STAC: variants seen among roughly 807,000 people sequenced by gnomAD.
STAC encodes SH3 and cysteine rich domain.
A neutral mutation model predicts 48.8 loss-of-function variants in STAC; 43 were observed. That is an observed-to-expected ratio of 0.88 (90% CI 0.69 to 1.14). STAC has a LOEUF of 1.14. Ranked by LOEUF, STAC falls within the 50% of genes most tolerant of loss-of-function variation. The pLI is 0.00. For missense variants in STAC, 497 were observed against 504.0 expected (o/e 0.99, Z 0.13); for synonymous variants, 193 against 179.5 (o/e 1.07, Z -0.60).
intron 1 of STAC, among the ~76,000 whole-genome samples, chr3:36,416,395 C>T (rs1008765605): frequency 2.0e-5 from 3 of 152,176 alleles, no homozygotes; most frequent in Non-Finnish European, 4.4e-5. Flanking sequence ...ATTGCTTGAG[C>T]CCATGAGTTT....
chr3:36,546,175 C>T lies in STAC; in HGVS notation c.1111-16C>T, dbSNP rs1049522334. ...GACAGTAAAGTATTTTGTTTTTTTT[C>T]TTCCTTGGCATTCAGATCTGCGTGA... On this transcript the variant is annotated splice_polypyrimidine_tract_variant and intron_variant, in intron 10 of 10. Coordinates refer to ENST00000273183, the MANE Select transcript of STAC (RefSeq NM_003149.3). 1.4e-5 allele frequency: 22 copies of T among 1,605,368 alleles called. No individual in the cohort carries two copies. The highest frequency in any genetic ancestry group is 1.7e-5 in the Admixed American group (1 of 58,642).
intron 2 of STAC, among the ~76,000 whole-genome samples, chr3:36,469,425 C>T (rs76630785): frequency 0.032 from 4,798 of 152,178 alleles, 229 homozygotes; most frequent in African/African-American, 0.11. Flanking sequence ...TAATCCCTTC[C>T]AGCTTATAAG....
intron 1 of STAC, among the ~76,000 whole-genome samples, chr3:36,413,144 A>G (rs921139191): frequency 6.6e-6 from 1 of 152,166 alleles, no homozygotes; most frequent in Non-Finnish European, 1.5e-5. Context: ...AGACGAATGT[A>G]TATTCTGTTG....
At chr3:36,503,518 C>T (rs1209820133) in intron 6 of STAC, among the ~76,000 whole-genome samples, 2 of 152,172 alleles carry the variant, frequency 1.3e-5, no homozygotes, top group East Asian at 3.8e-4. Flanking sequence ...GCAACCTCCA[C>T]CTTGCACCAG....
chr3:36,481,294 CT>C (rs1686056209), intron 2 of STAC, among the ~76,000 whole-genome samples: 1 of 152,140 alleles, frequency 6.6e-6, no homozygotes, highest in Non-Finnish European at 1.5e-5. Flanking sequence ...TGATGAGCAC[CT>C]TATAATACAT....
intron 1 of STAC, among the ~76,000 whole-genome samples, chr3:36,383,061 G>T (rs999702550): frequency 1.3e-5 from 2 of 152,042 alleles, no homozygotes; most frequent in Non-Finnish European, 2.9e-5. Flanking sequence ...GTAGATATTT[G>T]AACAGTCCAG....
At chr3:36,480,769 A>G (rs1267475715) in intron 2 of STAC, among the ~76,000 whole-genome samples, 1 of 152,126 alleles carries the variant, frequency 6.6e-6, no homozygotes, top group Admixed American at 6.5e-5. Flanking sequence ...TGATTAATCA[A>G]CTTCCACGAA....
At chr3:36,544,104 T>C (rs1213546442) in intron 10 of STAC, among the ~76,000 whole-genome samples, 1 of 152,130 alleles carries the variant, frequency 6.6e-6, no homozygotes, top group African/African-American at 2.4e-5. Flanking sequence ...AATCCTCCTC[T>C]CAAGGCATTT....
At chr3:36,472,992 G>C (rs1477435252) in intron 2 of STAC, among the ~76,000 whole-genome samples, 1 of 152,162 alleles carries the variant, frequency 6.6e-6, no homozygotes, top group East Asian at 1.9e-4. Flanking sequence ...TGCTGATAAA[G>C]ACATACCTGA....
intron 2 of STAC, among the ~76,000 whole-genome samples, chr3:36,453,416 G>A (rs1052410257): frequency 3.3e-4 from 50 of 152,342 alleles, no homozygotes; most frequent in Middle Eastern, 6.8e-3. Context: ...GTGGGCGTGG[G>A]CTTGGCAGAC....
intron 5 of STAC, among the ~76,000 whole-genome samples, chr3:36,488,436 T>A (rs1697874833): frequency 6.6e-6 from 1 of 152,176 alleles, no homozygotes; most frequent in Non-Finnish European, 1.5e-5. Flanking sequence ...CCCATCTCCT[T>A]CTCTGATGTG....
At position 36,536,688 on chromosome 3, in the gene STAC, A is replaced by T. The variant is rs541345634; in HGVS notation, c.1110+7703A>T. Reference sequence around the variant, plus strand: ...AGCAAAAATTGACAAAGGGGATCTAATTAAACTAAAGAGCTTCTGCACAGC... The same window carrying T: ...AGCAAAAATTGACAAAGGGGATCTATTTAAACTAAAGAGCTTCTGCACAGC... On this transcript the variant is annotated intron_variant, in intron 10 of 10. Transcript: ENST00000273183. Among the ~76,000 whole-genome samples the T allele has an allele frequency of 1.2e-4, 19 of 152,294 alleles. No individual in the cohort carries two copies. The South Asian group carries it at 2.1e-3, about 17-fold the overall frequency.
intron 1 of STAC, among the ~76,000 whole-genome samples, chr3:36,401,865 G>A (rs1015704207): frequency 2.0e-5 from 3 of 152,252 alleles, no homozygotes; most frequent in African/African-American, 7.2e-5. Flanking sequence ...TGATCATCAT[G>A]GCACAGTTTG....
At chr3:36,533,354 C>T (rs1699116926) in intron 10 of STAC, among the ~76,000 whole-genome samples, 1 of 152,056 alleles carries the variant, frequency 6.6e-6, no homozygotes, top group African/African-American at 2.4e-5. Flanking sequence ...TTCAACCTTC[C>T]CCAAGTTTAC....
intron 4 of STAC, 159 bp from the exon 5 acceptor site, chr3:36,485,975 G>A: frequency 1.6e-6 from 1 of 613,566 alleles, no homozygotes; most frequent in Admixed American, 2.7e-5. Context: ...GGGTGCATCT[G>A]TGAGGAACAC....
chr3:36,445,006 T>C (rs933520474), intron 2 of STAC, among the ~76,000 whole-genome samples: 1 of 152,194 alleles, frequency 6.6e-6, no homozygotes, highest in Non-Finnish European at 1.5e-5. Flanking sequence ...ACTTTCAATT[T>C]CCACACACAT....
rs558236111 is a variant in STAC, at chr3:36,516,236, C to G, written c.920+10402C>G. ...TGACCTCGTGATCCTCCCGTCTCAG[C>G]CTCCTAAAGTGCTGGTATTACAGGC... On this transcript the variant is annotated intron_variant, in intron 8 of 10. Transcript: ENST00000273183. 1.2e-4 allele frequency among the ~76,000 whole-genome samples: 19 copies of G among 152,128 alleles called. 1 individual carries two copies. The South Asian group carries it at 3.7e-3, about 30-fold the overall frequency.
At chr3:36,398,295 A>G (rs796287439) in intron 1 of STAC, among the ~76,000 whole-genome samples, 17 of 117,078 alleles carry the variant, frequency 1.5e-4, no homozygotes, top group African/African-American at 5.5e-4. Context: ...GGTATGTTAA[A>G]AAAGAAAGAA....
chr3:36,522,764 A>G (rs1698836249), intron 8 of STAC, among the ~76,000 whole-genome samples: 1 of 152,190 alleles, frequency 6.6e-6, no homozygotes, highest in Admixed American at 6.5e-5. Context: ...TCTCAGAAGC[A>G]GTGTCCTCAT....
Sources: gnomAD v4.1 joint callset for allele counts (sites outside exome capture counted in the v4.1 genomes callset) on GRCh38, gnomAD v4.1.1 for gene constraint, MANE v1.5 for transcripts, NCBI Gene and HGNC (gene_info 2026-07-23, HGNC 2026-07-21) for gene names.